FHIT: variants seen among roughly 807,000 people sequenced by gnomAD.
FHIT encodes bis(5'-adenosyl)-triphosphatase.
FHIT carries 19 observed loss-of-function variants against 17.9 expected under a neutral mutation model. That is an observed-to-expected ratio of 1.06 (90% confidence interval 0.74 to 1.56). The LOEUF is 1.56. Among genes scored for constraint, FHIT ranks in the 40% most tolerant of loss-of-function variants. The probability of loss-of-function intolerance (pLI) is 0.00; values close to 1 mark genes in which losing one functional copy is unlikely to be tolerated. For missense variants in FHIT, 248 were observed against 189.2 expected (o/e 1.31, Z -1.82); for synonymous variants, 81 against 69.7 (o/e 1.16, Z -0.81).
intron 3 of FHIT, among the ~76,000 whole-genome samples, chr3:60,859,736 T>C (rs1703553295): frequency 3.3e-5 from 2 of 59,794 alleles, no homozygotes; most frequent in Non-Finnish European, 6.7e-5. Context: ...TTTTTTTTTT[T>C]TTTTTTTTTT....
chr3:60,268,677 G>C (rs1253018058), intron 5 of FHIT, among the ~76,000 whole-genome samples: 1 of 152,198 alleles, frequency 6.6e-6, no homozygotes, highest in East Asian at 1.9e-4. Context: ...CATAGTATCT[G>C]TGTTCACAGT....
intron 4 of FHIT, among the ~76,000 whole-genome samples, chr3:60,625,570 T>C (rs2039262876): frequency 1.3e-5 from 2 of 151,214 alleles, no homozygotes; most frequent in African/African-American, 4.9e-5. Context: ...TTTGGATAAA[T>C]ATCTATTCAG....
intron 4 of FHIT, among the ~76,000 whole-genome samples, chr3:60,754,344 G>C (rs1469575904): frequency 6.6e-6 from 1 of 152,200 alleles, no homozygotes; most frequent in Admixed American, 6.5e-5. Flanking sequence ...TCTTAAGCGT[G>C]ATATCAACAG....
intron 4 of FHIT, among the ~76,000 whole-genome samples, chr3:60,819,759 T>C (rs1701861623): frequency 6.6e-6 from 1 of 152,142 alleles, no homozygotes; most frequent in Non-Finnish European, 1.5e-5. Flanking sequence ...TTCCGAGAGG[T>C]TGAGTTCACT....
chr3:60,996,534 G>A (rs2107594695), intron 3 of FHIT, among the ~76,000 whole-genome samples: 1 of 152,206 alleles, frequency 6.6e-6, no homozygotes, highest in African/African-American at 2.4e-5. Flanking sequence ...ATTGTTTAAA[G>A]GAAAATAATG....
intron 5 of FHIT, among the ~76,000 whole-genome samples, chr3:60,429,907 AGAAG>A (rs1702812045): frequency 1.3e-5 from 2 of 152,018 alleles, no homozygotes; most frequent in Non-Finnish European, 2.9e-5. Flanking sequence ...CACCTATGGA[AGAAG>A]CATACCTCCC....
intron 5 of FHIT, among the ~76,000 whole-genome samples, chr3:60,231,796 C>T (rs1364680959): frequency 1.3e-5 from 2 of 152,138 alleles, no homozygotes; most frequent in African/African-American, 4.8e-5. Context: ...TATTCAGTTA[C>T]ATACTAATCT....
At chr3:60,853,437 A>T (rs1202776655) in intron 3 of FHIT, among the ~76,000 whole-genome samples, 1 of 152,076 alleles carries the variant, frequency 6.6e-6, no homozygotes, top group Non-Finnish European at 1.5e-5. Context: ...ACTGTGTTCA[A>T]TTTCCCTGCT....
At chr3:60,893,081 G>A (rs1553761046) in intron 3 of FHIT, among the ~76,000 whole-genome samples, 3 of 152,196 alleles carry the variant, frequency 2.0e-5, no homozygotes, top group African/African-American at 7.2e-5. Context: ...GAAACAGCAT[G>A]TGCTGGAAGG....
chr3:60,320,495 G>T (rs1237481296), intron 5 of FHIT, among the ~76,000 whole-genome samples: 2 of 152,200 alleles, frequency 1.3e-5, no homozygotes, highest in Admixed American at 1.3e-4. Context: ...CGTTTTAACA[G>T]CTGTAACGCT....
intron 5 of FHIT, among the ~76,000 whole-genome samples, chr3:60,402,557 C>T (rs185485326): frequency 1.3e-5 from 2 of 152,286 alleles, no homozygotes; most frequent in East Asian, 3.9e-4. Flanking sequence ...CCTTCATTTT[C>T]ACAAGTGATT....
intron 5 of FHIT, among the ~76,000 whole-genome samples, chr3:60,059,905 T>C (rs1702231611): frequency 6.6e-6 from 1 of 152,224 alleles, no homozygotes; most frequent in Non-Finnish European, 1.5e-5. Flanking sequence ...CAACAGGTCT[T>C]CATGGGGTGA....
intron 3 of FHIT, among the ~76,000 whole-genome samples, chr3:60,872,937 C>CA (rs1553755343): frequency 1.3e-5 from 2 of 152,054 alleles, no homozygotes; most frequent in African/African-American, 4.8e-5. Flanking sequence ...GTTCCCCGTT[C>CA]AAAAAATAAA....
Position 60,522,768 on chromosome 3 carries a change from T to G in FHIT, c.103+14092A>C, listed in dbSNP as rs1294368601. 3.3e-5 allele frequency among the ~76,000 whole-genome samples: 5 copies of G among 152,344 alleles called. No individual in the cohort carries two copies. The East Asian group carries it at 9.7e-4, about 29-fold the overall frequency. ...TGTTGTGCACATTTCTGCATTTTTCTGAACAATCAGCCTATTTTTACCTCA... is the reference window on the plus strand; with the variant it reads ...TGTTGTGCACATTTCTGCATTTTTCGGAACAATCAGCCTATTTTTACCTCA... On this transcript the variant is annotated intron_variant, in intron 5 of 9. Coordinates refer to ENST00000492590, the MANE Select transcript of FHIT (RefSeq NM_002012.4).
intron 4 of FHIT, among the ~76,000 whole-genome samples, chr3:60,753,835 C>T (rs781813585): frequency 6.6e-6 from 1 of 152,116 alleles, no homozygotes; most frequent in Non-Finnish European, 1.5e-5. Flanking sequence ...ATTTTCTATC[C>T]TTAACTCTTC....
At chr3:60,969,289 A>C (rs1709895543) in intron 3 of FHIT, among the ~76,000 whole-genome samples, 1 of 152,132 alleles carries the variant, frequency 6.6e-6, no homozygotes, top group Non-Finnish European at 1.5e-5. Context: ...TTAAATGTTC[A>C]AATTTACTGG....
chr3:60,256,305 T>G (rs570727066), intron 5 of FHIT, among the ~76,000 whole-genome samples: 2 of 152,318 alleles, frequency 1.3e-5, no homozygotes, highest in African/African-American at 4.8e-5. Flanking sequence ...TTCCCATGTC[T>G]CTTATCATCA....
intron 3 of FHIT, among the ~76,000 whole-genome samples, chr3:60,850,000 G>C (rs1298315921): frequency 6.6e-6 from 1 of 151,994 alleles, no homozygotes; most frequent in Non-Finnish European, 1.5e-5. Flanking sequence ...TTTCTAATTT[G>C]AGGCAATAGC....
At chr3:60,809,915 T>C in intron 4 of FHIT, among the ~76,000 whole-genome samples, 1 of 152,302 alleles carries the variant, frequency 6.6e-6, no homozygotes, top group African/African-American at 2.4e-5. Context: ...AGGATTCTGA[T>C]TTCTTCTGTA....
Sources: allele counts gnomAD v4.1 joint callset (sites outside exome capture counted in the v4.1 genomes callset), GRCh38; gene constraint gnomAD v4.1.1; transcripts MANE v1.5; gene names NCBI Gene and HGNC (gene_info 2026-07-23, HGNC 2026-07-21).